RCC1L: variants seen among roughly 807,000 people sequenced by gnomAD.
RCC1L encodes RCC1 like.
Under a neutral mutation model 58.6 loss-of-function variants are expected in RCC1L, and 46 were observed. The observed-to-expected ratio is 0.79, with a 90% CI of 0.62 to 1.00. The LOEUF is 1.00. Among genes scored for constraint, RCC1L ranks in the 50% least tolerant of loss-of-function variants. The pLI, the probability that RCC1L is intolerant of heterozygous loss-of-function variation, is 0.00. For synonymous variants in RCC1L, 281 were observed against 262.9 expected, an observed-to-expected ratio of 1.07 and a Z score of -0.67; for missense variants, 636 against 623.6, an observed-to-expected ratio of 1.02 and a Z score of -0.21.
At chr7:75,057,727 C>T in intron 7 of RCC1L, 111 bp from the exon 8 acceptor site, 2 of 926,060 alleles carry the variant, frequency 2.2e-6, no homozygotes, top group South Asian at 1.4e-5. Flanking sequence ...ATTCACTCCA[C>T]AGATACTTCC....
intron 10 of RCC1L, among the ~76,000 whole-genome samples, chr7:75,051,131 C>T (rs1007337172): frequency 4.0e-5 from 6 of 149,894 alleles, no homozygotes; most frequent in African/African-American, 1.5e-4. Flanking sequence ...GTTAAAGTCT[C>T]CATTTCAACT....
Position 75,051,183 on chromosome 7 carries a change from ATATATATATATATTT to A in RCC1L, c.1317+1513_1317+1527del, listed in dbSNP as rs1563074024. 4.0e-3 allele frequency among the ~76,000 whole-genome samples: 580 copies of A among 145,486 alleles called. 3 individuals carry two copies. The highest frequency in any genetic ancestry group is 0.014 in the African/African-American group (543 of 39,816). On this transcript the variant is annotated intron_variant, in intron 10 of 10. Transcript: ENST00000610322. ...CCACCGATAGTCTTGGAAAAAATAT[ATATATATATATATTT>A]AATATATATAAACGTATAATATAAA...
chr7:75,043,063 T>C lies in RCC1L; in HGVS notation c.1364A>G (p.His455Arg), dbSNP rs1805613251. The C allele has an allele frequency of 6.2e-7, 1 of 1,614,034 alleles. No individual in the cohort carries two copies. Among genetic ancestry groups the C allele is most frequent in the South Asian group, 1.1e-5 (1 of 91,084 alleles). ...EPVDVACGVD[H>R]MVTLAKSFI ...GAATGACTTGGCCAGGGTCACCATG[T>C]GGTCCACGCCACATGCCACGTCCAC... The change falls in exon 11 of 11, where the codon CAC (histidine) becomes CGC (arginine). Residue 455 changes from histidine to arginine, a missense_variant. Coordinates refer to ENST00000610322, the MANE Select transcript of RCC1L (RefSeq NM_030798.5).
chr7:75,057,641 T>C, intron 7 of RCC1L, 25 bp from the exon 8 acceptor site: 1 of 1,612,362 alleles, frequency 6.2e-7, no homozygotes, highest in Non-Finnish European at 8.5e-7. Context: ...GGAGCCACAC[T>C]GTTAGGAAAG....
intron 10 of RCC1L, among the ~76,000 whole-genome samples, chr7:75,031,793 G>A (rs964569694): frequency 4.9e-4 from 75 of 152,202 alleles, no homozygotes; most frequent in Non-Finnish European, 5.7e-4. Context: ...AATTCAGGAA[G>A]TTTGGCTGAG....
At chr7:75,031,438 A>G (rs1290723965) in intron 10 of RCC1L, among the ~76,000 whole-genome samples, 2 of 151,836 alleles carry the variant, frequency 1.3e-5, no homozygotes, top group East Asian at 3.9e-4. Flanking sequence ...CATGTACTGT[A>G]TGTTGGAGAA....
At chr7:75,052,487 C>T (rs1295106481) in intron 10 of RCC1L, among the ~76,000 whole-genome samples, 1 of 152,260 alleles carries the variant, frequency 6.6e-6, no homozygotes, top group Non-Finnish European at 1.5e-5. Flanking sequence ...GTGTCACTCC[C>T]CCACGCATCA....
chr7:75,057,399 G>A (rs1806114758), intron 8 of RCC1L, 130 bp downstream of exon 8: 12 of 859,542 alleles, frequency 1.4e-5, no homozygotes, highest in South Asian at 1.4e-4. Flanking sequence ...TTACAGATGT[G>A]AGCCACCGCG....
intron 10 of RCC1L, among the ~76,000 whole-genome samples, chr7:75,050,502 A>T (rs1330816142): frequency 1.3e-5 from 2 of 152,154 alleles, no homozygotes; most frequent in Non-Finnish European, 2.9e-5. Context: ...TTTGAAGGAA[A>T]TGAGGGCGGG....
rs1328751768 is a variant in RCC1L, at chr7:75,044,598, C to CG, written c.1318-1490dup. ...TGGGCGACAGAGCAAGACTCTGTCT[C>CG]GAAAAAAAAAAAAAAAAAAAAAAAA... On this transcript the variant is annotated intron_variant, in intron 10 of 10. Transcript: ENST00000610322. Among the ~76,000 whole-genome samples, 159 of 29,638 alleles carry CG rather than the reference C, an allele frequency of 5.4e-3. 4 individuals carry two copies. In the East Asian group the frequency reaches 0.19, roughly 35 times the overall value. The allele number at this position is 29,638 out of a possible 152,430, so 19.4% of individuals were successfully genotyped here.
chr7:75,036,857 C>T (rs925122964), intron 10 of RCC1L, among the ~76,000 whole-genome samples: 2 of 152,054 alleles, frequency 1.3e-5, no homozygotes, highest in African/African-American at 2.4e-5. Flanking sequence ...GAGCTGAGAT[C>T]GCACCACTGC....
chr7:75,041,573 G>C (rs1009091397), downstream of RCC1L, among the ~76,000 whole-genome samples: 14 of 152,016 alleles, frequency 9.2e-5, no homozygotes, highest in African/African-American at 3.1e-4. Flanking sequence ...TATTTGTCAA[G>C]TATGGCTGGG....
chr7:75,041,863 CAAAAAAAA>C (rs1201913828), downstream of RCC1L, among the ~76,000 whole-genome samples: 4 of 64,486 alleles, frequency 6.2e-5, no homozygotes, highest in African/African-American at 1.7e-4. Flanking sequence ...GACTCTGTCT[CAAAAAAAA>C]AAAAAAAAAA....
chr7:75,029,841 AG>A (rs1338987568), intron 10 of RCC1L, among the ~76,000 whole-genome samples: 1 of 151,356 alleles, frequency 6.6e-6, no homozygotes, highest in African/African-American at 2.4e-5. Context: ...ATGCTGAGGG[AG>A]GGGGTTAGGC....
intron 10 of RCC1L, among the ~76,000 whole-genome samples, chr7:75,048,232 A>G (rs1805800765): frequency 6.9e-6 from 1 of 144,332 alleles, no homozygotes; most frequent in Admixed American, 7.3e-5. Flanking sequence ...GTGCCACTGT[A>G]CTCCAACCTG....
At chr7:75,062,548 C>G (rs1158280157) in intron 5 of RCC1L, among the ~76,000 whole-genome samples, 2 of 152,216 alleles carry the variant, frequency 1.3e-5, no homozygotes, top group African/African-American at 4.8e-5. Flanking sequence ...AGCCGTATCA[C>G]AGTATGATTA....
At chr7:75,027,805 G>C (rs981556076) in exon 11 of RCC1L, 4 of 603,554 alleles carry the variant, frequency 6.6e-6, no homozygotes, top group Non-Finnish European at 1.2e-5. Context: ...TCTGTGTGTA[G>C]CGTAGTCTTG....
chr7:75,027,253 G>A (rs1279710784), exon 11 of RCC1L: 4 of 152,308 alleles, frequency 2.6e-5, no homozygotes, highest in African/African-American at 9.7e-5. Context: ...ACGTGGGAAG[G>A]GTGCTGAGAG....
At position 75,073,527 on chromosome 7, in the gene RCC1L, C is replaced by G; in HGVS notation, c.211G>C (p.Ala71Pro). ...ACCACAAAGGAAGGCACGCCCAGCG[C>G]CCCCGAGAAGCTGAAGCCCCACACG... ...VFVWGFSFSG[A>P]LGVPSFVVPS... Residue 71 changes from alanine to proline, a missense_variant, in exon 1 of 11, where the codon GCG becomes CCG. By Grantham distance (27) the Ala-to-Pro change is conservative. Transcript: ENST00000610322. 1 of 1,469,034 alleles carries G rather than the reference C, an allele frequency of 6.8e-7. No individual in the cohort carries two copies. The highest frequency in any genetic ancestry group is 1.3e-5 in the South Asian group (1 of 74,358). 91.0% of individuals were successfully genotyped at this position (1,469,034 alleles called of 1,614,324 possible). A position where few individuals can be genotyped will look rare whatever the true frequency, so the allele number is the denominator to read the frequency against.
Sources: allele counts gnomAD v4.1 joint callset (sites outside exome capture counted in the v4.1 genomes callset), GRCh38; gene constraint gnomAD v4.1.1; transcripts MANE v1.5; gene names NCBI Gene and HGNC (gene_info 2026-07-23, HGNC 2026-07-21).